Variants in MYO10 observed in about 807,000 individuals in gnomAD.
MYO10 encodes the protein unconventional myosin-X.
MYO10 carries 133 observed loss-of-function variants against 257.3 expected under a neutral mutation model. The ratio of observed to expected loss-of-function variants is 0.52; its 90% confidence interval spans 0.45 to 0.60. The LOEUF (loss-of-function observed/expected upper bound fraction) is 0.60, where lower values mean the gene tolerates loss of function less well. Among genes scored for constraint, MYO10 ranks in the 20% least tolerant of loss-of-function variants. The pLI, the probability that MYO10 is intolerant of heterozygous loss-of-function variation, is 0.00. For synonymous variants in MYO10, 1,104 were observed against 1,028.6 expected, an observed-to-expected ratio of 1.07 and a Z score of -1.40; for missense variants, 2,399 against 2,635.7, an observed-to-expected ratio of 0.91 and a Z score of 1.97.
At chr5:16,914,532 T>C (rs1238193757) in intron 1 of MYO10, among the ~76,000 whole-genome samples, 1 of 152,262 alleles carries the variant, frequency 6.6e-6, no homozygotes, top group South Asian at 2.1e-4. Flanking sequence ...AGACCTGTTC[T>C]TTCTGCTGAG....
intron 2 of MYO10, among the ~76,000 whole-genome samples, chr5:16,849,757 T>C (rs1743745737): frequency 6.6e-6 from 1 of 152,242 alleles, no homozygotes; most frequent in South Asian, 2.1e-4. Flanking sequence ...GTAAACTTAG[T>C]TGTGGGGGAA....
At position 16,805,451 on chromosome 5, in the gene MYO10, T is replaced by A. The variant is rs1273470875; in HGVS notation, c.280-10618A>T. ...TCTAGCCCGGGCAACACAGTGAGAC[T>A]CCATCTCAAAAAAAAAAAAAAAAAA... On this transcript the variant is annotated intron_variant, in intron 3 of 40. Coordinates refer to ENST00000513610, the MANE Select transcript of MYO10 (RefSeq NM_012334.3). Among the ~76,000 whole-genome samples the A allele has an allele frequency of 2.9e-5, 3 of 103,314 alleles. No individual in the cohort carries two copies. The Admixed American group carries it at 4.2e-4, about 15-fold the overall frequency. The allele number at this position is 103,314 out of a possible 152,430, so 67.8% of individuals were successfully genotyped here. A position where few individuals can be genotyped will look rare whatever the true frequency, so the allele number is the denominator to read the frequency against.
chr5:16,816,913 G>A (rs919900518), intron 3 of MYO10, among the ~76,000 whole-genome samples: 13 of 148,896 alleles, frequency 8.7e-5, no homozygotes, highest in Admixed American at 2.0e-4. Flanking sequence ...TCTGCCTCCC[G>A]GGTTCAAGCA....
rs142442353 is a variant in MYO10, at chr5:16,798,806, G to A, written c.280-3973C>T. On this transcript the variant is annotated intron_variant, in intron 3 of 40. Transcript: ENST00000513610. ...TCTTTATGCAGCCAGGTAGGTCAGAGGAAGCTGACAAGCAACAGTCAACAC... is the reference window on the plus strand; with the variant it reads ...TCTTTATGCAGCCAGGTAGGTCAGAAGAAGCTGACAAGCAACAGTCAACAC... 1.1e-4 allele frequency among the ~76,000 whole-genome samples: 16 copies of A among 152,226 alleles called. No individual in the cohort carries two copies. In the East Asian group the frequency reaches 3.1e-3, roughly 29 times the overall value.
intron 1 of MYO10, chr5:16,916,536 G>T (rs1400249672): frequency 6.2e-6 from 1 of 162,528 alleles, no homozygotes; most frequent in African/African-American, 2.4e-5. Context: ...TTAAATCCAG[G>T]AAGTTTAAGA....
intron 2 of MYO10, among the ~76,000 whole-genome samples, chr5:16,832,294 G>C (rs1296630941): frequency 6.6e-6 from 1 of 152,098 alleles, no homozygotes; most frequent in Non-Finnish European, 1.5e-5. Context: ...TCTAAAGCTT[G>C]TATACATTTC....
chr5:16,694,417 C>G lies in MYO10; in HGVS notation c.3754G>C (p.Asp1252His). ...GTGCCCTTGAGCTTCTCCTCGCTGT[C>G]GTTTTCAAAGTACATCAGCTTGGAC... ...RQSKLMYFEN[D>H]SEEKLKGTVE... Residue 1252 changes from aspartate to histidine, a missense_variant, in exon 27 of 41, where the codon GAC becomes CAC. Physicochemically the swap from Asp to His is moderately conservative, Grantham distance 81. Coordinates refer to ENST00000513610, the MANE Select transcript of MYO10 (RefSeq NM_012334.3). 6.2e-7 allele frequency: 1 copy of G among 1,614,016 alleles called. No individual in the cohort carries two copies. Among genetic ancestry groups the G allele is most frequent in the South Asian group, 1.1e-5 (1 of 91,072 alleles).
chr5:16,740,781 G>T lies in MYO10; in HGVS notation c.1929+14047C>A, dbSNP rs574693446. Among the ~76,000 whole-genome samples the T allele has an allele frequency of 3.3e-5, 5 of 152,124 alleles. 1 individual carries two copies. The East Asian group carries it at 9.7e-4, about 29-fold the overall frequency. On this transcript the variant is annotated intron_variant, in intron 19 of 40. Transcript: ENST00000513610. ...AGAAAACCAGTTTAACGTTGTAAGAGAGGTAGAAAATATGTGGCATTTTCC... is the reference window on the plus strand; with the variant it reads ...AGAAAACCAGTTTAACGTTGTAAGATAGGTAGAAAATATGTGGCATTTTCC...
At chr5:16,669,784 A>T (rs1257260624) in intron 39 of MYO10, among the ~76,000 whole-genome samples, 2 of 152,192 alleles carry the variant, frequency 1.3e-5, no homozygotes, top group African/African-American at 4.8e-5. Context: ...CTGTGATCAT[A>T]AAAAATGGAA....
At chr5:16,699,795 AAAAAAAAAAAAAG>A (rs1239452325) in intron 25 of MYO10, among the ~76,000 whole-genome samples, 1 of 150,450 alleles carries the variant, frequency 6.6e-6, no homozygotes, top group African/African-American at 2.5e-5. Flanking sequence ...TCAAAAAAAA[AAAAAAAAAAAAAG>A]GGAAAAGGAA....
chr5:16,823,510 C>T (rs1742902681), intron 2 of MYO10, among the ~76,000 whole-genome samples: 1 of 103,520 alleles, frequency 9.7e-6, no homozygotes. Context: ...CTCACTCTGT[C>T]GCCCAGGCTA....
intron 19 of MYO10, among the ~76,000 whole-genome samples, chr5:16,736,071 C>G (rs1739784621): frequency 6.6e-6 from 1 of 152,172 alleles, no homozygotes; most frequent in Non-Finnish European, 1.5e-5. Flanking sequence ...CCAAAACGAC[C>G]AGGACAAAGA....
intron 1 of MYO10, among the ~76,000 whole-genome samples, chr5:16,887,081 G>A (rs979171924): frequency 3.3e-5 from 5 of 152,050 alleles, no homozygotes; most frequent in Non-Finnish European, 7.4e-5. Context: ...AAAGTTCACA[G>A]ACCAATTTGT....
intron 26 of MYO10, 130 bp from the exon 27 acceptor site, chr5:16,694,744 C>A: frequency 8.2e-7 from 1 of 1,226,128 alleles, no homozygotes; most frequent in South Asian, 1.4e-5. Flanking sequence ...ACCGCAGAGA[C>A]CCCTCAGTGA....
chr5:16,765,706 A>AT (rs1451517750), intron 11 of MYO10, among the ~76,000 whole-genome samples: 8 of 152,316 alleles, frequency 5.3e-5, no homozygotes, highest in Admixed American at 5.2e-4. Context: ...TATTTTTCTT[A>AT]TAAGAGTCCT....
At chr5:16,793,931 C>CAAAAAAA (rs34849998) in intron 4 of MYO10, among the ~76,000 whole-genome samples, 1 of 131,844 alleles carries the variant, frequency 7.6e-6, no homozygotes, top group Non-Finnish European at 1.6e-5. Context: ...AACTCCAACT[C>CAAAAAAA]AAAAAAAAAA....
intron 9 of MYO10, among the ~76,000 whole-genome samples, chr5:16,772,300 T>C (rs567065086): frequency 6.6e-6 from 1 of 152,230 alleles, no homozygotes; most frequent in Non-Finnish European, 1.5e-5. Context: ...ACCTGGCTAA[T>C]TTTGTATATT....
At chr5:16,756,083 A>C (rs1740520666) in intron 18 of MYO10, among the ~76,000 whole-genome samples, 1 of 152,048 alleles carries the variant, frequency 6.6e-6, no homozygotes, top group African/African-American at 2.4e-5. Context: ...TTATTTATTT[A>C]TTTATTTGAG....
At position 16,665,547 on chromosome 5, in the gene MYO10, G is replaced by A. The variant is rs1405712040; in HGVS notation, c.*1145C>T. 2 of 152,162 alleles carry A rather than the reference G, an allele frequency of 1.3e-5. No homozygotes were observed. Among genetic ancestry groups the A allele is most frequent in the East Asian group, 3.8e-4 (2 of 5,196 alleles). The allele number at this position is 152,162 out of a possible 1,614,324, so 9.4% of individuals were successfully genotyped here. ...ATTATAAACTTGGGATAAAATATGT[G>A]TGTATTAAAGCCTCAGCATTTAATG... On this transcript the variant is annotated 3_prime_UTR_variant, in exon 41 of 41. Transcript: ENST00000513610.
Sources: gnomAD v4.1 joint callset for allele counts (sites outside exome capture counted in the v4.1 genomes callset) on GRCh38, gnomAD v4.1.1 for gene constraint, MANE v1.5 for transcripts, NCBI Gene and HGNC (gene_info 2026-07-23, HGNC 2026-07-21) for gene names.